The following IFNGR1 variants were observed in gnomAD, a reference collection of about 807,000 sequenced individuals.
IFNGR1 encodes the protein interferon gamma receptor 1, also known as AVP, type 2.
IFNGR1 carries 23 observed loss-of-function variants against 35.4 expected under a neutral mutation model. The ratio of observed to expected loss-of-function variants is 0.65; its 90% CI spans 0.47 to 0.92. The LOEUF (loss-of-function observed/expected upper bound fraction) is 0.92. Among genes scored for constraint, IFNGR1 ranks in the 40% least tolerant of loss-of-function variants. The probability of loss-of-function intolerance (pLI) is 0.00; values close to 1 mark genes in which losing one functional copy is unlikely to be tolerated. For missense variants in IFNGR1, 533 were observed against 583.4 expected (o/e 0.91, Z 0.89); for synonymous variants, 199 against 209.5 (o/e 0.95, Z 0.43).
chr6:137,207,262 T>C (rs56367090), intron 1 of IFNGR1, among the ~76,000 whole-genome samples, 185 bp from the exon 2 acceptor site: 87 of 152,334 alleles, frequency 5.7e-4, no homozygotes, highest in South Asian at 4.4e-3. Flanking sequence ...GAAAAATCTA[T>C]AGAAGAGTTC....
intron 1 of IFNGR1, chr6:137,209,985 CTT>C: frequency 2.5e-6 from 1 of 398,156 alleles, no homozygotes; most frequent in South Asian, 1.3e-4. Context: ...GTTGATAAGA[CTT>C]GAGTCACGTA....
intron 1 of IFNGR1, among the ~76,000 whole-genome samples, chr6:137,214,416 C>A (rs1779643785): frequency 6.6e-6 from 1 of 152,344 alleles, no homozygotes; most frequent in African/African-American, 2.4e-5. Flanking sequence ...CAGGTTTAAG[C>A]TGAGTACAGA....
intron 4 of IFNGR1, 30 bp from the exon 5 acceptor site, chr6:137,203,715 C>G (rs1259230939): frequency 6.4e-7 from 1 of 1,553,496 alleles, no homozygotes; most frequent in Non-Finnish European, 8.8e-7. Context: ...AGTGAAAATG[C>G]ACAGCTTCTT....
chr6:137,206,992 A>C lies in IFNGR1; in HGVS notation c.171T>G (p.Pro57=). 6.2e-7 allele frequency: 1 copy of C among 1,613,360 alleles called. No homozygotes were observed. Among genetic ancestry groups the C allele is most frequent in the Non-Finnish European group, 8.5e-7 (1 of 1,179,302 alleles). Residue 57 remains proline, a synonymous_variant, in exon 2 of 7, where the codon CCT becomes CCG. Transcript: ENST00000367739. The part of the protein sequence containing the change: ...YWEYQIMPQV[P]VFTVEVKNYG... ...AGTTCTTTACCTCTACGGTAAAAAC[A>C]GGGACCTGTGGCATGATCTGGTACT...
chr6:137,206,297 G>A lies in IFNGR1; in HGVS notation c.212C>T (p.Ser71Leu). The change falls in exon 3 of 7, where the codon TCA becomes TTA. Residue 71 changes from serine (S) to leucine (L), a missense_variant. Physicochemically the swap from Ser to Leu is moderately radical, Grantham distance 145. Coordinates refer to ENST00000367739, the MANE Select transcript of IFNGR1 (RefSeq NM_000416.3). ...VEVKNYGVKNSEWIDACINIS... is the reference protein window; with the variant it reads ...VEVKNYGVKNLEWIDACINIS... ...ATTGATGCAGGCATCAATCCATTCTGAATTCTTAACACTAAAAAGAATAAA... is the reference window on the plus strand; with the variant it reads ...ATTGATGCAGGCATCAATCCATTCTAAATTCTTAACACTAAAAAGAATAAA... 1 of 1,600,944 alleles carries A rather than the reference G, an allele frequency of 6.2e-7. No individual in the cohort carries two copies. Among genetic ancestry groups the A allele is most frequent in the Non-Finnish European group, 8.6e-7 (1 of 1,168,176 alleles).
intron 1 of IFNGR1, among the ~76,000 whole-genome samples, chr6:137,208,790 C>T (rs9389484): frequency 0.2 from 30,445 of 152,190 alleles, 3,464 homozygotes; most frequent in East Asian, 0.4. Flanking sequence ...GAGGTCGGAG[C>T]CCTCACACAA....
At position 137,198,225 on chromosome 6, in the gene IFNGR1, A is replaced by G; in HGVS notation, c.1276T>C (p.Ser426Pro). 6.2e-7 allele frequency: 1 copy of G among 1,613,970 alleles called. No homozygotes were observed. The highest frequency in any genetic ancestry group is 8.5e-7 in the Non-Finnish European group (1 of 1,180,012). Residue 426 changes from serine to proline, a missense_variant, in exon 7 of 7, where the codon TCT becomes CCT. By Grantham distance (74) the Ser-to-Pro change is moderately conservative. Coordinates refer to ENST00000367739, the MANE Select transcript of IFNGR1 (RefSeq NM_000416.3). ...SSCLESHSSL[S>P]DSEFPPNNKG... is the part of the protein sequence containing the mutation. ...TTATTTGGGGGAAATTCTGAGTCAG[A>G]TAAGGAGCTATGTGATTCCAGACAG...
chr6:137,213,065 GAC>G (rs1195181006), intron 1 of IFNGR1, among the ~76,000 whole-genome samples: 1 of 152,154 alleles, frequency 6.6e-6, no homozygotes, highest in African/African-American at 2.4e-5. Flanking sequence ...AAAATAATAT[GAC>G]AGACATAAGC....
chr6:137,217,981 AC>A (rs1361025109), intron 1 of IFNGR1, among the ~76,000 whole-genome samples: 1 of 152,110 alleles, frequency 6.6e-6, no homozygotes, highest in African/African-American at 2.4e-5. Context: ...AGAGACAAGC[AC>A]CCCGCCTTGC....
At position 137,200,991 on chromosome 6, in the gene IFNGR1, C is replaced by T. The variant is rs144555780; in HGVS notation, c.751G>A (p.Val251Ile). 6.2e-7 allele frequency: 1 copy of T among 1,613,348 alleles called. No homozygotes were observed. Among genetic ancestry groups the T allele is most frequent in the East Asian group, 2.2e-5 (1 of 44,742 alleles). Residue 251 changes from valine (V) to isoleucine (I), a missense_variant, in exon 6 of 7, where the codon GTT (valine) becomes ATT (isoleucine). Val to Ile is a conservative substitution (Grantham distance 29). Transcript: ENST00000367739. ...AGAAAGAGTAGTAAAGCAGCAACAACTGGAATCCAAAGAGAACCTTAAAAA... is the reference window on the plus strand; with the variant it reads ...AGAAAGAGTAGTAAAGCAGCAACAATTGGAATCCAAAGAGAACCTTAAAAA... Reference protein sequence around the residue: ...SSIKGSLWIPVVAALLLFLVL... With the variant: ...SSIKGSLWIPIVAALLLFLVL...
At position 137,214,206 on chromosome 6, in the gene IFNGR1, A is replaced by G. The variant is rs920420193; in HGVS notation, c.85+5037T>C. 2.6e-5 allele frequency among the ~76,000 whole-genome samples: 4 copies of G among 152,240 alleles called. 1 individual carries two copies. Among genetic ancestry groups the G allele is most frequent in the Non-Finnish European group, 4.4e-5 (3 of 68,042 alleles). On this transcript the variant is annotated intron_variant, in intron 1 of 6. Coordinates refer to ENST00000367739, the MANE Select transcript of IFNGR1 (RefSeq NM_000416.3). Reference sequence around the variant, plus strand: ...CAGGGACAGGAATGGGGACTGTCACAAAGGTTTCATCTGCACAGCAAACAG... The same window carrying G: ...CAGGGACAGGAATGGGGACTGTCACGAAGGTTTCATCTGCACAGCAAACAG...
At position 137,197,559 on chromosome 6, in the gene IFNGR1, AT is replaced by A. The variant is rs1393492064; in HGVS notation, c.*471del. On this transcript the variant is annotated 3_prime_UTR_variant, in exon 7 of 7. Coordinates refer to ENST00000367739, the MANE Select transcript of IFNGR1 (RefSeq NM_000416.3). ...AAAATATACACGTTTCTATTTACAT[AT>A]TCCATTAATTCTATTAGTTTGAATT... The A allele has an allele frequency of 6.5e-6, 1 of 153,534 alleles. No homozygotes were observed. The highest frequency in any genetic ancestry group is 2.4e-5 in the African/African-American group (1 of 41,466). 9.5% of individuals were successfully genotyped at this position (153,534 alleles called of 1,614,324 possible).
At position 137,198,317 on chromosome 6, in the gene IFNGR1, T is replaced by C. The variant is rs1779146943; in HGVS notation, c.1184A>G (p.Asn395Ser). The C allele has an allele frequency of 6.2e-7, 1 of 1,613,960 alleles. No individual in the cohort carries two copies. Among genetic ancestry groups the C allele is most frequent in the African/African-American group, 1.3e-5 (1 of 74,982 alleles). ...NQSEPGSIAL[N>S]SYHSRNCSES... ...AGAACAATTTCTGGAGTGATACGAG[T>C]TTAAAGCGATGCTGCCAGGTTCAGA... The change falls in exon 7 of 7, where the codon AAC becomes AGC. Residue 395 changes from asparagine (N) to serine (S), a missense_variant. Coordinates refer to ENST00000367739, the MANE Select transcript of IFNGR1 (RefSeq NM_000416.3).
At chr6:137,209,992 C>A in intron 1 of IFNGR1, 2 of 397,832 alleles carry the variant, frequency 5.0e-6, no homozygotes, top group South Asian at 2.6e-4. Flanking sequence ...AGACTTGAGT[C>A]ACGTAAGAGA....
At position 137,200,876 on chromosome 6, in the gene IFNGR1, A is replaced by G; in HGVS notation, c.861+5T>C. On this transcript the variant is annotated splice_donor_5th_base_variant and intron_variant, in intron 6 of 6. Coordinates refer to ENST00000367739, the MANE Select transcript of IFNGR1 (RefSeq NM_000416.3). ...TAGTGTATATAAAAAAATTAAATACATTACCAAGGACTTGGGTAATATTAT... is the reference window on the plus strand; with the variant it reads ...TAGTGTATATAAAAAAATTAAATACGTTACCAAGGACTTGGGTAATATTAT... 6.4e-7 allele frequency: 1 copy of G among 1,565,092 alleles called. No homozygotes were observed. Among genetic ancestry groups the G allele is most frequent in the Non-Finnish European group, 8.7e-7 (1 of 1,146,322 alleles).
At chr6:137,203,070 T>A (rs561897658) in intron 5 of IFNGR1, among the ~76,000 whole-genome samples, 7 of 152,242 alleles carry the variant, frequency 4.6e-5, no homozygotes, top group African/African-American at 1.7e-4. Context: ...TAATCTCGAG[T>A]CTTTGTCCAG....
intron 5 of IFNGR1, 104 bp from the exon 6 acceptor site, chr6:137,201,112 T>C (rs1779267594): frequency 2.4e-6 from 3 of 1,227,066 alleles, no homozygotes; most frequent in Non-Finnish European, 2.4e-6. Flanking sequence ...AATTAGTGAA[T>C]AGGGCCAGAG....
intron 1 of IFNGR1, chr6:137,218,329 C>A: frequency 2.2e-6 from 1 of 450,288 alleles, no homozygotes; most frequent in South Asian, 1.6e-5. Flanking sequence ...TTCTCTGGAG[C>A]TCGTAATCAC....
rs184088900 is a variant in IFNGR1, at chr6:137,208,335, T to C, written c.86-1258A>G. Among the ~76,000 whole-genome samples, 357 of 152,318 alleles carry C rather than the reference T, an allele frequency of 2.3e-3. 3 individuals are homozygous for C. The highest frequency in any genetic ancestry group is 4.5e-3 in the Non-Finnish European group (309 of 68,024). The stretch of plus-strand genomic sequence containing the variant: ...GAAATTCAAGCTGGCTGCAGAAATG[T>C]GCATAAGTAGCAAGAAGCCTAATGT... On this transcript the variant is annotated intron_variant, in intron 1 of 6. Transcript: ENST00000367739.
Sources: allele counts gnomAD v4.1 joint callset (sites outside exome capture counted in the v4.1 genomes callset), GRCh38; gene constraint gnomAD v4.1.1; transcripts MANE v1.5; gene names NCBI Gene and HGNC (gene_info 2026-07-23, HGNC 2026-07-21).